The following ACTR3B variants were observed in gnomAD, a reference collection of about 807,000 sequenced individuals.
ACTR3B encodes the protein actin related protein 3B, also known as actin-related protein 3B.
Under a neutral mutation model 59.0 loss-of-function variants are expected in ACTR3B, and 8 were observed. That is an observed-to-expected ratio of 0.14 (90% CI 0.08 to 0.24). ACTR3B has a LOEUF of 0.24. ACTR3B is among the 10% of genes least tolerant of loss of function. ACTR3B has a pLI of 1.00. For missense variants in ACTR3B, 245 were observed against 552.3 expected (o/e 0.44, Z 5.58); for synonymous variants, 148 against 197.9 (o/e 0.75, Z 2.12).
chr7:152,846,541 G>A (rs1236209408), intron 9 of ACTR3B, among the ~76,000 whole-genome samples: 1 of 137,188 alleles, frequency 7.3e-6, no homozygotes, highest in Non-Finnish European at 1.6e-5. Context: ...TGTGTAGTGA[G>A]CCCCAGCGCC....
intron 2 of ACTR3B, 66 bp from the exon 3 acceptor site, chr7:152,800,465 T>C: frequency 6.4e-7 from 1 of 1,573,088 alleles, no homozygotes; most frequent in Non-Finnish European, 8.6e-7. Flanking sequence ...AAGGATATTA[T>C]CCCTTTTGAT....
chr7:152,762,907 G>T (rs2098094415), intron 1 of ACTR3B, among the ~76,000 whole-genome samples: 1 of 152,212 alleles, frequency 6.6e-6, no homozygotes, highest in South Asian at 2.1e-4. Context: ...GCATCCCATC[G>T]AAAGGCTTAA....
At position 152,767,346 on chromosome 7, in the gene ACTR3B, CT is replaced by C. The variant is rs1361995576; in HGVS notation, c.44+7421del. Among the ~76,000 whole-genome samples the C allele has an allele frequency of 6.7e-4, 102 of 152,214 alleles. 2 individuals are homozygous for C. Among genetic ancestry groups the C allele is most frequent in the Non-Finnish European group, 1.2e-4 (8 of 68,018 alleles). On this transcript the variant is annotated intron_variant, in intron 1 of 11. Transcript: ENST00000256001. ...GGATTTTGTATTGTGTTGAGTTAGT[CT>C]ATTGGTCTGTTCATAATAGCAGCAC... is the stretch of plus-strand genomic sequence containing the variant.
chr7:152,775,970 G>A (rs1030270737), intron 1 of ACTR3B, among the ~76,000 whole-genome samples: 4 of 151,970 alleles, frequency 2.6e-5, no homozygotes, highest in East Asian at 1.9e-4. Flanking sequence ...AGTGCTTTAT[G>A]CAGCTATTGA....
intron 1 of ACTR3B, among the ~76,000 whole-genome samples, chr7:152,769,711 G>A (rs2098119551): frequency 1.3e-5 from 2 of 151,518 alleles, no homozygotes; most frequent in South Asian, 4.2e-4. Flanking sequence ...CTTTTTTGGT[G>A]CACTTTAGGG....
chr7:152,760,106 C>T (rs1004705036), intron 1 of ACTR3B, among the ~76,000 whole-genome samples, 180 bp downstream of exon 1: 23 of 152,182 alleles, frequency 1.5e-4, no homozygotes, highest in African/African-American at 5.3e-4. Context: ...TCGTAAAACC[C>T]CCTCTTCCCT....
intron 7 of ACTR3B, among the ~76,000 whole-genome samples, chr7:152,822,807 G>A (rs1290287185): frequency 6.6e-6 from 1 of 152,240 alleles, no homozygotes; most frequent in Non-Finnish European, 1.5e-5. Context: ...ACAGTGCTGT[G>A]GCCAGCTCCA....
chr7:152,854,787 CT>C lies in ACTR3B; in HGVS notation c.*235del. The stretch of plus-strand genomic sequence containing the variant: ...CCCGCCCTCCTCACCCTCGCTCTCC[CT>C]CCTCCTCCTCCTCCGAGCTGCTAGC... On this transcript the variant is annotated 3_prime_UTR_variant, in exon 12 of 12. Transcript: ENST00000256001. The surrounding 1 kb of genome is among the most constrained non-coding windows in gnomAD (Gnocchi z 4.9). 2.6e-6 allele frequency: 1 copy of C among 382,194 alleles called. No homozygotes were observed. The highest frequency in any genetic ancestry group is 4.8e-6 in the Non-Finnish European group (1 of 209,102). The allele number at this position is 382,194 out of a possible 1,614,324, so 23.7% of individuals were successfully genotyped here.
chr7:152,839,364 G>A (rs1797708355), intron 9 of ACTR3B, among the ~76,000 whole-genome samples: 1 of 139,904 alleles, frequency 7.1e-6, no homozygotes, highest in Non-Finnish European at 1.5e-5. Context: ...CTTCTAGACT[G>A]CCAGGTGTGT....
intron 1 of ACTR3B, among the ~76,000 whole-genome samples, chr7:152,775,598 A>G (rs2098134449): frequency 6.6e-6 from 1 of 152,032 alleles, no homozygotes; most frequent in East Asian, 1.9e-4. Context: ...TGTCTCTACT[A>G]AAAATACAAA....
chr7:152,778,547 ACTT>A (rs2098141942), intron 1 of ACTR3B, among the ~76,000 whole-genome samples: 1 of 151,720 alleles, frequency 6.6e-6, no homozygotes, highest in South Asian at 2.1e-4. Flanking sequence ...TTTTTTCACT[ACTT>A]CTTAATTGCA....
At chr7:152,762,027 C>A (rs1563065094) in intron 1 of ACTR3B, among the ~76,000 whole-genome samples, 1 of 152,012 alleles carries the variant, frequency 6.6e-6, no homozygotes, top group Non-Finnish European at 1.5e-5. Context: ...TGAAAAAAGC[C>A]TTTTTTTGTA....
At chr7:152,834,442 C>T (rs1797278968) in intron 9 of ACTR3B, among the ~76,000 whole-genome samples, 1 of 152,242 alleles carries the variant, frequency 6.6e-6, no homozygotes, top group Non-Finnish European at 1.5e-5. Flanking sequence ...GTGTGAGCCA[C>T]CGCGCCCGGT....
At chr7:152,785,297 C>T (rs1009448216) in intron 2 of ACTR3B, among the ~76,000 whole-genome samples, 3 of 142,444 alleles carry the variant, frequency 2.1e-5, no homozygotes, top group Non-Finnish European at 4.5e-5. Context: ...CCTTAGCAGT[C>T]GCAGAAGCTA....
intron 9 of ACTR3B, among the ~76,000 whole-genome samples, chr7:152,849,857 G>A (rs759358773): frequency 8.5e-5 from 13 of 152,270 alleles, no homozygotes; most frequent in Non-Finnish European, 1.3e-4. Flanking sequence ...GATCCCAGGT[G>A]GAAGACGAGG....
Position 152,800,429 on chromosome 7 carries a change from C to T in ACTR3B, c.101-102C>T, listed in dbSNP as rs1057194443. On this transcript the variant is annotated intron_variant, in intron 2 of 11. Transcript: ENST00000256001. ...CCCTTCACCCCACATGGAGCCCTAA[C>T]AATGAAAATTTACTTGTGTGTATAT... 1.5e-5 allele frequency: 21 copies of T among 1,443,232 alleles called. No individual in the cohort carries two copies. The African/African-American group carries it at 2.0e-4, about 14-fold the overall frequency. 89.4% of individuals were successfully genotyped at this position (1,443,232 alleles called of 1,614,324 possible).
chr7:152,802,103 A>C (rs1301748203), intron 4 of ACTR3B, among the ~76,000 whole-genome samples: 1 of 151,866 alleles, frequency 6.6e-6, no homozygotes, highest in East Asian at 1.9e-4. Flanking sequence ...TTTCCCTTGC[A>C]CTTTTTAAGA....
intron 4 of ACTR3B, among the ~76,000 whole-genome samples, chr7:152,802,211 G>A (rs2098239011): frequency 6.6e-6 from 1 of 152,114 alleles, no homozygotes; most frequent in Non-Finnish European, 1.5e-5. Flanking sequence ...ACTGTGACTG[G>A]TTTAGATTCT....
intron 2 of ACTR3B, among the ~76,000 whole-genome samples, chr7:152,791,583 G>T (rs2098196455): frequency 6.6e-6 from 1 of 152,190 alleles, no homozygotes; most frequent in Non-Finnish European, 1.5e-5. Context: ...AAACAGACCA[G>T]CCCCAGGAAA....
Sources: gnomAD v4.1 joint callset for allele counts (sites outside exome capture counted in the v4.1 genomes callset) on GRCh38, gnomAD v4.1.1 for gene constraint, Gnocchi (gnomAD v3.1) non-coding constraint, MANE v1.5 for transcripts, NCBI Gene and HGNC (gene_info 2026-07-23, HGNC 2026-07-21) for gene names.